The following ZNF469 variants were observed in gnomAD, a reference collection of about 807,000 sequenced individuals.
The protein encoded by ZNF469 is zinc finger protein 469.
Under a neutral mutation model 1.0 loss-of-function variants are expected in ZNF469, and 1 was observed. The ratio of observed to expected loss-of-function variants is 1.00; its 90% CI spans 0.35 to 4.73. ZNF469 has a LOEUF of 4.73. Ranked by LOEUF, ZNF469 falls within the 30% of genes most tolerant of loss-of-function variation. The pLI is 0.16. For missense variants in ZNF469, 6,100 were observed against 5,356.3 expected (o/e 1.14, Z -4.33); for synonymous variants, 2,703 against 2,363.4 (o/e 1.14, Z -4.17).
At chr16:88,275,380 G>T in the ZNF469 span, among the ~76,000 whole-genome samples, 1 of 152,320 alleles carries the variant, frequency 6.6e-6, no homozygotes, top group South Asian at 2.1e-4. Flanking sequence ...GAAGCTACCT[G>T]GGTTACTTGG....
chr16:88,340,534 C>A, the ZNF469 span, among the ~76,000 whole-genome samples: 11 of 152,302 alleles, frequency 7.2e-5, no homozygotes, highest in East Asian at 1.7e-3. Context: ...AAGAAGTTCT[C>A]GAAGCTTTGA....
chr16:88,294,486 T>C, the ZNF469 span, among the ~76,000 whole-genome samples: 1 of 152,234 alleles, frequency 6.6e-6, no homozygotes, highest in Non-Finnish European at 1.5e-5. Context: ...TCCTGCCTCC[T>C]GCCCTCTGGG....
intron 2 of ZNF469, among the ~76,000 whole-genome samples, 126 bp from the exon 3 acceptor site, chr16:88,427,219 G>C (rs1905748991): frequency 6.6e-6 from 1 of 152,160 alleles, no homozygotes; most frequent in Admixed American, 6.5e-5. Context: ...GAGCTTCTGT[G>C]ATGGCTGCAC....
At chr16:88,423,663 C>G (rs1357439443) in intron 1 of ZNF469, among the ~76,000 whole-genome samples, 2 of 152,238 alleles carry the variant, frequency 1.3e-5, no homozygotes, top group African/African-American at 4.8e-5. Context: ...GCAGCATCAT[C>G]CAAAGGCCCA....
At chr16:88,117,607 G>GTGGAGGTGCCACGTGCCTTCGGGGACGA in the ZNF469 span, among the ~76,000 whole-genome samples, 2 of 148,816 alleles carry the variant, frequency 1.3e-5, no homozygotes, top group Admixed American at 1.3e-4. Flanking sequence ...TTCGGGGACC[G>GTGGAGGTGCCACGTGCCTTCGGGGACGA]TGGAGGTGCC....
chr16:88,144,943 G>C, the ZNF469 span, among the ~76,000 whole-genome samples: 1 of 150,312 alleles, frequency 6.7e-6, no homozygotes, highest in East Asian at 2.0e-4. Flanking sequence ...TCCGCCTTCC[G>C]GGCCCATGCA....
chr16:88,430,390 A>G lies in ZNF469; in HGVS notation c.2920A>G (p.Arg974Gly). The change falls in exon 3 of 3, where the codon AGA becomes GGA. Residue 974 changes from arginine (R) to glycine (G), a missense_variant. Arg to Gly is a moderately radical substitution (Grantham distance 125). Transcript: ENST00000565624. ...AEGSGSGGGG[R>G]ASGLRPRRND... Reference sequence around the variant, plus strand: ...GGGGTCGGGGTCGGGCGGCGGCGGCAGAGCCTCCGGCCTGAGGCCCCGGAG... The same window carrying G: ...GGGGTCGGGGTCGGGCGGCGGCGGCGGAGCCTCCGGCCTGAGGCCCCGGAG... 2 of 1,515,836 alleles carry G rather than the reference A, an allele frequency of 1.3e-6. No individual in the cohort carries two copies. Among genetic ancestry groups the G allele is most frequent in the Non-Finnish European group, 1.8e-6 (2 of 1,136,060 alleles). 93.9% of individuals were successfully genotyped at this position (1,515,836 alleles called of 1,614,324 possible).
chr16:88,436,667 A>T lies in ZNF469; in HGVS notation c.9197A>T (p.Asp3066Val). ...QDLCFLGPFE[D>V]PVGLPGPSFL... The stretch of plus-strand genomic sequence containing the variant: ...CTGTGCTTTCTGGGACCCTTTGAAG[A>T]CCCCGTGGGTCTCCCCGGCCCCAGC... The change falls in exon 3 of 3, where the codon GAC becomes GTC. Residue 3066 changes from aspartate to valine, a missense_variant. Physicochemically the swap from Asp to Val is radical, Grantham distance 152. Transcript: ENST00000565624. 3.2e-6 allele frequency: 5 copies of T among 1,549,468 alleles called. No homozygotes were observed. The highest frequency in any genetic ancestry group is 4.4e-6 in the Non-Finnish European group (5 of 1,146,782).
At chr16:88,120,824 G>C in the ZNF469 span, among the ~76,000 whole-genome samples, 3 of 152,198 alleles carry the variant, frequency 2.0e-5, no homozygotes, top group African/African-American at 7.2e-5. Flanking sequence ...CGCCCGTGTC[G>C]AGGGCAGTTA....
At chr16:88,376,724 G>GGGGA in the ZNF469 span, among the ~76,000 whole-genome samples, 4 of 152,372 alleles carry the variant, frequency 2.6e-5, no homozygotes, top group African/African-American at 9.6e-5. Context: ...CGCGGCAGAT[G>GGGGA]GGGAAACTGA....
chr16:88,357,964 A>C, the ZNF469 span, among the ~76,000 whole-genome samples: 2 of 152,222 alleles, frequency 1.3e-5, no homozygotes, highest in South Asian at 4.1e-4. Flanking sequence ...CTGGGATGGC[A>C]TTTGGCCCGA....
At chr16:88,353,463 C>T in the ZNF469 span, among the ~76,000 whole-genome samples, 1 of 152,234 alleles carries the variant, frequency 6.6e-6, no homozygotes, top group South Asian at 2.1e-4. Context: ...CCCTGGCCCC[C>T]TTCACGCTGT....
intron 2 of ZNF469, among the ~76,000 whole-genome samples, 96 bp from the exon 3 acceptor site, chr16:88,427,249 G>A (rs1905750486): frequency 6.6e-6 from 1 of 152,134 alleles, no homozygotes; most frequent in Non-Finnish European, 1.5e-5. Context: ...TCTGCTTCTG[G>A]CCCGGCCACA....
the ZNF469 span, among the ~76,000 whole-genome samples, chr16:88,352,405 C>G: frequency 1.3e-5 from 2 of 152,214 alleles, no homozygotes; most frequent in African/African-American, 4.8e-5. Context: ...ATAACAGAGC[C>G]AGGGCCTTTT....
the ZNF469 span, among the ~76,000 whole-genome samples, chr16:88,294,446 T>G: frequency 6.6e-6 from 1 of 152,210 alleles, no homozygotes; most frequent in Non-Finnish European, 1.5e-5. Context: ...CAAACTCCCT[T>G]GTTCAAATCC....
chr16:88,102,314 C>T, the ZNF469 span, among the ~76,000 whole-genome samples: 4 of 152,222 alleles, frequency 2.6e-5, no homozygotes, highest in South Asian at 4.2e-4. Context: ...GTCAGAAGTT[C>T]GTAGAGCAGC....
At chr16:88,116,107 G>T in the ZNF469 span, among the ~76,000 whole-genome samples, 1 of 152,188 alleles carries the variant, frequency 6.6e-6, no homozygotes, top group Non-Finnish European at 1.5e-5. Context: ...GGTCCAGACT[G>T]TATAGAGAAC....
chr16:88,366,094 AT>A, the ZNF469 span, among the ~76,000 whole-genome samples: 2 of 119,348 alleles, frequency 1.7e-5, no homozygotes, highest in East Asian at 4.8e-4. Flanking sequence ...CACCATCATC[AT>A]CACCATCATC....
Position 88,430,328 on chromosome 16 carries a change from T to C in ZNF469, c.2858T>C (p.Leu953Pro), listed in dbSNP as rs1906055359. The change falls in exon 3 of 3, where the codon CTG becomes CCG. Residue 953 changes from leucine (L) to proline (P), a missense_variant. Coordinates refer to ENST00000565624, the MANE Select transcript of ZNF469 (RefSeq NM_001367624.2). ...CAGAGGAGGGGGAAGCAGTTGAAGC[T>C]GTTCCGGAAGGATCTGGACTCGGGC... ...RQQRRGKQLK[L>P]FRKDLDSGGA... is the part of the protein sequence containing the mutation. 6.6e-7 allele frequency: 1 copy of C among 1,514,512 alleles called. No homozygotes were observed. Among genetic ancestry groups the C allele is most frequent in the Non-Finnish European group, 8.8e-7 (1 of 1,135,134 alleles). The allele number at this position is 1,514,512 out of a possible 1,614,324, so 93.8% of individuals were successfully genotyped here.
Sources: allele counts gnomAD v4.1 joint callset (sites outside exome capture counted in the v4.1 genomes callset), GRCh38; gene constraint gnomAD v4.1.1; transcripts MANE v1.5; gene names NCBI Gene and HGNC (gene_info 2026-07-23, HGNC 2026-07-21).